Variants in RIOX2 observed in about 807,000 individuals in gnomAD.
RIOX2 encodes 60S ribosomal protein L27a histidine hydroxylase.
Under a neutral mutation model 51.2 loss-of-function variants are expected in RIOX2, and 43 were observed. The ratio of observed to expected loss-of-function variants is 0.84; its 90% CI spans 0.66 to 1.08. RIOX2 has a LOEUF of 1.08. Among genes scored for constraint, RIOX2 ranks in the 50% least tolerant of loss-of-function variants. The pLI, the probability that RIOX2 is intolerant of heterozygous loss-of-function variation, is 0.00. For missense variants in RIOX2, 566 were observed against 561.7 expected, an observed-to-expected ratio of 1.01 and a Z score of -0.08; for synonymous variants, 226 against 218.5, an observed-to-expected ratio of 1.03 and a Z score of -0.30.
chr3:97,962,102 G>A (rs917787822), intron 2 of RIOX2, among the ~76,000 whole-genome samples: 2 of 152,140 alleles, frequency 1.3e-5, no homozygotes, highest in African/African-American at 4.8e-5. Context: ...CAGCTCAAGC[G>A]AGAAGTGACT....
chr3:97,948,968 C>T (rs927838144), intron 7 of RIOX2, among the ~76,000 whole-genome samples: 3 of 152,180 alleles, frequency 2.0e-5, no homozygotes, highest in African/African-American at 7.2e-5. Context: ...ATATCATTTG[C>T]AGCCTAAATC....
At chr3:97,958,864 C>T (rs143777945) in intron 4 of RIOX2, among the ~76,000 whole-genome samples, 187 bp downstream of exon 4, 201 of 152,286 alleles carry the variant, frequency 1.3e-3, no homozygotes, top group African/African-American at 4.7e-3. Context: ...GTGCAAACCA[C>T]CAAGACTCCT....
In RIOX2 at chr3:97,969,114, AC is replaced by A. The variant is rs771905796; in HGVS notation, c.-39-1483del. Among the ~76,000 whole-genome samples, 24 of 152,300 alleles carry A rather than the reference AC, an allele frequency of 1.6e-4. No individual in the cohort carries two copies. In the East Asian group the frequency reaches 2.1e-3, roughly 13 times the overall value. On this transcript the variant is annotated intron_variant, in intron 1 of 9. Transcript: ENST00000394198. ...AATGTCAAAATATAAAACCCTCTAA[AC>A]AGCTCCATTCCTTCAAAAGACCAGG...
intron 2 of RIOX2, 124 bp downstream of exon 2, chr3:97,967,038 A>T: frequency 1.0e-6 from 1 of 975,234 alleles, no homozygotes; most frequent in Non-Finnish European, 1.6e-6. Context: ...AAGAGGTGCT[A>T]CCCCTTCTCA....
Position 97,944,941 on chromosome 3 carries a change from G to GATTAA in RIOX2, c.*238_*242dup, listed in dbSNP as rs2040319132. On this transcript the variant is annotated 3_prime_UTR_variant, in exon 10 of 10. Transcript: ENST00000394198. ...GAATTGTGCCTTTTCTACCACACTGGATTAAATAAACTTGTCAAAATATGG... is the reference window on the plus strand; with the variant it reads ...GAATTGTGCCTTTTCTACCACACTGGATTAAATTAAATAAACTTGTCAAAATATGG... 3.2e-6 allele frequency: 1 copy of GATTAA among 316,514 alleles called. No homozygotes were observed. The highest frequency in any genetic ancestry group is 9.1e-5 in the South Asian group (1 of 10,994). 19.6% of individuals were successfully genotyped at this position (316,514 alleles called of 1,614,324 possible).
At chr3:97,948,747 T>G (rs1646813487) in intron 7 of RIOX2, among the ~76,000 whole-genome samples, 1 of 152,164 alleles carries the variant, frequency 6.6e-6, no homozygotes, top group Non-Finnish European at 1.5e-5. Flanking sequence ...CAAAATCACC[T>G]AACATACACC....
chr3:97,968,788 C>G (rs1049180213), intron 1 of RIOX2, among the ~76,000 whole-genome samples: 1 of 152,224 alleles, frequency 6.6e-6, no homozygotes, highest in East Asian at 1.9e-4. Context: ...TCCCTATCTC[C>G]TGACAAGGTT....
In RIOX2 at chr3:97,944,767, G is replaced by A. The variant is rs2040313813; in HGVS notation, c.*417C>T. 6.5e-6 allele frequency: 1 copy of A among 154,498 alleles called. No homozygotes were observed. The highest frequency in any genetic ancestry group is 1.4e-5 in the Non-Finnish European group (1 of 69,626). The allele number at this position is 154,498 out of a possible 1,614,324, so 9.6% of individuals were successfully genotyped here. On this transcript the variant is annotated 3_prime_UTR_variant, in exon 10 of 10. Transcript: ENST00000394198. ...TGGGCTTGTCTATACACAAAGGTAT[G>A]TATATTTTCATTATAAAAAACCAGT...
rs768467362 is a variant in RIOX2 at position 97,967,149 on chromosome 3, G to A, written c.432+13C>T. The A allele has an allele frequency of 6.2e-7, 1 of 1,607,806 alleles. No individual in the cohort carries two copies. Among genetic ancestry groups the A allele is most frequent in the Admixed American group, 1.7e-5 (1 of 59,564 alleles). ...AAAATGTATGAGGATTCTGCAATGG[G>A]GAAACTGGTTACCTTAAATCTCTGA... On this transcript the variant is annotated intron_variant, in intron 2 of 9. Coordinates refer to ENST00000394198, the MANE Select transcript of RIOX2 (RefSeq NM_153182.4).
intron 3 of RIOX2, 116 bp downstream of exon 3, chr3:97,961,473 C>T (rs529034143): frequency 1.5e-5 from 17 of 1,134,922 alleles, no homozygotes; most frequent in East Asian, 2.6e-5. Flanking sequence ...ACAGAAAGAG[C>T]GAATACAGAC....
chr3:97,945,693 C>G lies in RIOX2; in HGVS notation c.1239+105G>C, dbSNP rs1044617807. On this transcript the variant is annotated intron_variant, in intron 9 of 9. Coordinates refer to ENST00000394198, the MANE Select transcript of RIOX2 (RefSeq NM_153182.4). ...GAGTAGTGCAAAATGGTTAAGTCCA[C>G]AGTGCAGCCATAAAAAGCATATTAC... 4.7e-6 allele frequency: 4 copies of G among 849,054 alleles called. No homozygotes were observed. The African/African-American group carries it at 5.0e-5, about 11-fold the overall frequency. The allele number at this position is 849,054 out of a possible 1,614,324, so 52.6% of individuals were successfully genotyped here. A position where few individuals can be genotyped will look rare whatever the true frequency, so the allele number is the denominator to read the frequency against.
At chr3:97,966,979 A>G (rs1209923933) in intron 2 of RIOX2, among the ~76,000 whole-genome samples, 183 bp downstream of exon 2, 4 of 152,220 alleles carry the variant, frequency 2.6e-5, no homozygotes, top group African/African-American at 9.6e-5. Flanking sequence ...TAACAGTCCA[A>G]CCAAACATAA....
chr3:97,942,299 C>A lies in RIOX2; in HGVS notation c.*2885G>T, dbSNP rs2040248824. 1 of 1,610,198 alleles carries A rather than the reference C, an allele frequency of 6.2e-7. No homozygotes were observed. The highest frequency in any genetic ancestry group is 8.5e-7 in the Non-Finnish European group (1 of 1,177,774). ...ACCCTTTTAGGCCAGTGATACATGT[C>A]TTGATGTGATTGGTGGCCGGGACAC... On this transcript the variant is annotated 3_prime_UTR_variant, in exon 10 of 10. Transcript: ENST00000394198.
chr3:97,949,038 G>A (rs1026211073), intron 7 of RIOX2, among the ~76,000 whole-genome samples: 1 of 152,082 alleles, frequency 6.6e-6, no homozygotes, highest in African/African-American at 2.4e-5. Flanking sequence ...GACATTTCTT[G>A]AATCTCACTG....
At chr3:97,954,615 T>A in intron 4 of RIOX2, 120 bp from the exon 5 acceptor site, 1 of 782,662 alleles carries the variant, frequency 1.3e-6, no homozygotes, top group Non-Finnish European at 2.2e-6. Flanking sequence ...AACCACAACC[T>A]CAAGGCACAG....
intron 3 of RIOX2, among the ~76,000 whole-genome samples, chr3:97,960,598 T>C (rs1285931975): frequency 6.6e-6 from 1 of 152,118 alleles, no homozygotes; most frequent in Non-Finnish European, 1.5e-5. Context: ...CGATAAAAAA[T>C]AAAAATGAAA....
intron 5 of RIOX2, among the ~76,000 whole-genome samples, chr3:97,951,642 A>C (rs1307924867): frequency 6.6e-6 from 1 of 152,188 alleles, no homozygotes; most frequent in Non-Finnish European, 1.5e-5. Context: ...CTGTGTCACC[A>C]GCAGATTTCA....
intron 5 of RIOX2, among the ~76,000 whole-genome samples, chr3:97,953,020 T>TA (rs1705306759): frequency 6.6e-6 from 1 of 152,188 alleles, no homozygotes; most frequent in African/African-American, 2.4e-5. Flanking sequence ...GTATGCTTAC[T>TA]AACTTGTTTT....
Position 97,943,397 on chromosome 3 carries a change from A to C in RIOX2, c.*1787T>G, listed in dbSNP as rs1347274462. The C allele has an allele frequency of 8.8e-6, 7 of 792,632 alleles. No homozygotes were observed. The highest frequency in any genetic ancestry group is 1.1e-5 in the Non-Finnish European group (5 of 468,852). 49.1% of individuals were successfully genotyped at this position (792,632 alleles called of 1,614,324 possible). ...CATTGTCTTGTGGACGTGGAAAGGA[A>C]GCTACTGTCCTCACACTCCTGGATC... On this transcript the variant is annotated 3_prime_UTR_variant, in exon 10 of 10. Transcript: ENST00000394198.
Sources: allele counts gnomAD v4.1 joint callset (sites outside exome capture counted in the v4.1 genomes callset), GRCh38; gene constraint gnomAD v4.1.1; transcripts MANE v1.5; gene names NCBI Gene and HGNC (gene_info 2026-07-23, HGNC 2026-07-21).